ADAM22: variants seen among roughly 807,000 people sequenced by gnomAD.
The protein encoded by ADAM22 is disintegrin and metalloproteinase domain-containing protein 22.
In ADAM22, 65 loss-of-function variants were observed where a neutral mutation model predicts 144.6. The observed-to-expected ratio is 0.45, with a 90% CI of 0.37 to 0.55. The LOEUF is 0.55. ADAM22 is among the 20% of genes least tolerant of loss of function. The probability of loss-of-function intolerance (pLI) is 0.00; values close to 1 mark genes in which losing one functional copy is unlikely to be tolerated. For missense variants in ADAM22, 974 were observed against 1,184.9 expected (o/e 0.82, Z 2.61); for synonymous variants, 391 against 412.6 (o/e 0.95, Z 0.63).
chr7:88,166,339 T>G (rs1156634444), intron 24 of ADAM22, among the ~76,000 whole-genome samples: 2 of 152,152 alleles, frequency 1.3e-5, no homozygotes, highest in African/African-American at 4.8e-5. Flanking sequence ...ATTTTAATAT[T>G]CTTTATTATA....
chr7:88,062,395 T>G (rs1375927483), intron 3 of ADAM22, among the ~76,000 whole-genome samples: 1 of 152,232 alleles, frequency 6.6e-6, no homozygotes, highest in Non-Finnish European at 1.5e-5. Context: ...AAGCAGCCTC[T>G]GCTAGCTTCA....
chr7:88,088,933 G>C (rs549317029), intron 4 of ADAM22, among the ~76,000 whole-genome samples: 1 of 151,868 alleles, frequency 6.6e-6, no homozygotes, highest in African/African-American at 2.4e-5. Context: ...TTATAGTTTA[G>C]TGACTGCATT....
intron 2 of ADAM22, among the ~76,000 whole-genome samples, chr7:87,940,862 T>C (rs1242401987): frequency 6.6e-6 from 1 of 152,202 alleles, no homozygotes; most frequent in Non-Finnish European, 1.5e-5. Flanking sequence ...GGATAAAACT[T>C]ATACTTTTAC....
chr7:87,975,437 A>G (rs903355536), intron 2 of ADAM22, among the ~76,000 whole-genome samples: 1 of 152,192 alleles, frequency 6.6e-6, no homozygotes, highest in Admixed American at 6.5e-5. Flanking sequence ...GAATGAATCA[A>G]TCTGTATATA....
rs570360325 is a variant in ADAM22 at position 88,042,802 on chromosome 7, T to A, written c.324-32824T>A. On this transcript the variant is annotated intron_variant, in intron 3 of 31. Transcript: ENST00000413139. Reference sequence around the variant, plus strand: ...GAATCCACAATATAATATCTTGTTCTTGAGTGTGACTTAATGTGCTTCTAA... The same window carrying A: ...GAATCCACAATATAATATCTTGTTCATGAGTGTGACTTAATGTGCTTCTAA... Among the ~76,000 whole-genome samples, 62 of 151,752 alleles carry A rather than the reference T, an allele frequency of 4.1e-4. 1 individual carries two copies. Among genetic ancestry groups the A allele is most frequent in the Non-Finnish European group, 8.0e-4 (54 of 67,870 alleles).
At chr7:87,977,759 A>G (rs1414385133) in intron 2 of ADAM22, among the ~76,000 whole-genome samples, 1 of 152,178 alleles carries the variant, frequency 6.6e-6, no homozygotes, top group Non-Finnish European at 1.5e-5. Context: ...TAACACAAGA[A>G]CATTTTGATA....
rs763763570 is a variant in ADAM22, at chr7:88,116,859, G to A, written c.607+45G>A. 8 of 1,410,162 alleles carry A rather than the reference G, an allele frequency of 5.7e-6. No individual in the cohort carries two copies. In the Admixed American group the frequency reaches 1.0e-4, roughly 18 times the overall value. The allele number at this position is 1,410,162 out of a possible 1,614,324, so 87.4% of individuals were successfully genotyped here. On this transcript the variant is annotated intron_variant, in intron 7 of 31. Coordinates refer to ENST00000413139, the MANE Select transcript of ADAM22 (RefSeq NM_001324418.2). ...ACTTTTTATCTAAAAGACAACTTCAGTAATTTATTTAATGCCTTAGAACTA... is the reference window on the plus strand; with the variant it reads ...ACTTTTTATCTAAAAGACAACTTCAATAATTTATTTAATGCCTTAGAACTA...
chr7:88,151,169 A>G (rs1838241633), intron 19 of ADAM22, 88 bp from the exon 20 acceptor site: 5 of 1,559,802 alleles, frequency 3.2e-6, no homozygotes, highest in African/African-American at 2.7e-5. Context: ...CTATTCATCT[A>G]TTATTTTTCC....
chr7:88,059,022 A>G (rs1463049517), intron 3 of ADAM22, among the ~76,000 whole-genome samples: 1 of 152,176 alleles, frequency 6.6e-6, no homozygotes, highest in Non-Finnish European at 1.5e-5. Flanking sequence ...TACTGAAAAC[A>G]GGAGGGTGTA....
chr7:87,934,884 T>A, intron 1 of ADAM22, 142 bp from the exon 2 acceptor site: 1 of 1,197,828 alleles, frequency 8.3e-7, no homozygotes. Context: ...CTCTGCGTCC[T>A]TCCCAGTTGG....
chr7:88,124,138 A>T (rs1339923550), intron 7 of ADAM22, among the ~76,000 whole-genome samples: 1 of 151,870 alleles, frequency 6.6e-6, no homozygotes, highest in Non-Finnish European at 1.5e-5. Flanking sequence ...AAATTGGTTG[A>T]TAGTGTTAAG....
chr7:88,018,239 A>G (rs531734237), intron 3 of ADAM22, among the ~76,000 whole-genome samples: 301 of 152,240 alleles, frequency 2.0e-3, no homozygotes, highest in African/African-American at 7.1e-3. Context: ...TTGTCCTTTG[A>G]AAATAAAAGG....
intron 3 of ADAM22, among the ~76,000 whole-genome samples, chr7:87,985,411 T>C (rs1288588417): frequency 6.6e-6 from 1 of 152,162 alleles, no homozygotes; most frequent in Non-Finnish European, 1.5e-5. Flanking sequence ...GGTGCAGCAA[T>C]CACCAAAATT....
chr7:88,031,811 G>T (rs1400899419), intron 3 of ADAM22, among the ~76,000 whole-genome samples: 1 of 152,188 alleles, frequency 6.6e-6, no homozygotes, highest in African/African-American at 2.4e-5. Context: ...ACAACCTCAG[G>T]ACACTGCTCC....
rs182030792 is a variant in ADAM22 at position 88,063,619 on chromosome 7, A to C, written c.324-12007A>C. Among the ~76,000 whole-genome samples the C allele has an allele frequency of 1.3e-3, 197 of 152,350 alleles. 3 individuals are homozygous for C. Among genetic ancestry groups the C allele is most frequent in the Admixed American group, 0.011 (173 of 15,298 alleles). ...ATTTCTAGATTGAAAGTGCCCATTGAAAGCCCAGGACAGTGAATGAAAGAA... is the reference window on the plus strand; with the variant it reads ...ATTTCTAGATTGAAAGTGCCCATTGCAAGCCCAGGACAGTGAATGAAAGAA... On this transcript the variant is annotated intron_variant, in intron 3 of 31. Coordinates refer to ENST00000413139, the MANE Select transcript of ADAM22 (RefSeq NM_001324418.2).
chr7:88,159,471 C>G (rs548158645), intron 22 of ADAM22, among the ~76,000 whole-genome samples: 1 of 152,198 alleles, frequency 6.6e-6, no homozygotes, highest in African/African-American at 2.4e-5. Context: ...AATTTCAGCC[C>G]ATTATCCTTG....
chr7:88,142,047 T>TA (rs961601621), intron 14 of ADAM22, among the ~76,000 whole-genome samples: 19 of 152,134 alleles, frequency 1.2e-4, no homozygotes, highest in South Asian at 4.2e-4. Context: ...TACATTTTTT[T>TA]AAAAAAAACC....
chr7:88,102,166 T>C (rs1463523730), intron 4 of ADAM22, among the ~76,000 whole-genome samples: 1 of 152,200 alleles, frequency 6.6e-6, no homozygotes. Flanking sequence ...CTCTGAAAGA[T>C]CTTTCTGTAT....
chr7:87,960,352 ATTG>A (rs1451272048), intron 2 of ADAM22, among the ~76,000 whole-genome samples: 1 of 150,312 alleles, frequency 6.7e-6, no homozygotes, highest in African/African-American at 2.5e-5. Flanking sequence ...TGCAGATAGT[ATTG>A]TTGCTGCTGG....
Sources: gnomAD v4.1 joint callset for allele counts (sites outside exome capture counted in the v4.1 genomes callset) on GRCh38, gnomAD v4.1.1 for gene constraint, MANE v1.5 for transcripts, NCBI Gene and HGNC (gene_info 2026-07-23, HGNC 2026-07-21) for gene names.